The following PLA2G4E variants were observed in gnomAD, a reference collection of about 807,000 sequenced individuals.
PLA2G4E encodes phospholipase A2 group IVE.
In PLA2G4E, 84 loss-of-function variants were observed where a neutral mutation model predicts 109.1. The observed-to-expected ratio is 0.77, with a 90% confidence interval of 0.65 to 0.92. The LOEUF (loss-of-function observed/expected upper bound fraction) is 0.92. Among genes scored for constraint, PLA2G4E ranks in the 40% least tolerant of loss-of-function variants. The probability of loss-of-function intolerance (pLI) is 0.00; values close to 1 mark genes in which losing one functional copy is unlikely to be tolerated. For synonymous variants in PLA2G4E, 469 were observed against 436.1 expected, an observed-to-expected ratio of 1.08 and a Z score of -0.94; for missense variants, 1,057 against 1,076.6, an observed-to-expected ratio of 0.98 and a Z score of 0.25.
At chr15:41,997,566 C>T (rs999615549) in intron 10 of PLA2G4E, 4 of 196,602 alleles carry the variant, frequency 2.0e-5, no homozygotes, top group Non-Finnish European at 4.1e-5. Flanking sequence ...CCTCTGTCTC[C>T]TCGGCCAGAT....
In PLA2G4E at chr15:42,013,569, G is replaced by A. The variant is rs1296695029; in HGVS notation, c.256+116C>T. 28 of 930,132 alleles carry A rather than the reference G, an allele frequency of 3.0e-5. 1 individual carries two copies. The East Asian group carries it at 3.2e-4, about 11-fold the overall frequency. 57.6% of individuals were successfully genotyped at this position (930,132 alleles called of 1,614,324 possible). ...ACACATACACGTATACACCATGCAC[G>A]TGCACACGTGCGCGCGCACACACAC... On this transcript the variant is annotated intron_variant, in intron 2 of 19. Coordinates refer to ENST00000399518, the Ensembl canonical transcript of PLA2G4E.
chr15:41,989,275 G>T (rs2068199772), intron 15 of PLA2G4E, 140 bp downstream of exon 15: 1 of 1,212,900 alleles, frequency 8.2e-7, no homozygotes, highest in Non-Finnish European at 1.1e-6. Context: ...ACCAACTCTG[G>T]TCCCCAGTGA....
chr15:41,997,045 C>T, intron 11 of PLA2G4E, 79 bp downstream of exon 11: 2 of 1,441,692 alleles, frequency 1.4e-6, no homozygotes, highest in Non-Finnish European at 1.8e-6. Context: ...TGGGGTAGGG[C>T]AGGGCCTGGG....
exon 20 of PLA2G4E, chr15:41,983,899 T>C (rs2068097902): frequency 1.2e-6 from 2 of 1,613,530 alleles, no homozygotes; most frequent in Non-Finnish European, 1.7e-6. Flanking sequence ...TGTCAGCTCC[T>C]TGGTGGCATA....
At chr15:41,985,954 A>G in exon 18 of PLA2G4E, 1 of 1,605,572 alleles carries the variant, frequency 6.2e-7, no homozygotes, top group Non-Finnish European at 8.5e-7. Flanking sequence ...CAGCAGGCAC[A>G]GGTGGTTCGC....
intron 2 of PLA2G4E, among the ~76,000 whole-genome samples, chr15:42,011,329 G>C (rs187237157): frequency 2.6e-5 from 4 of 152,388 alleles, no homozygotes; most frequent in African/African-American, 9.6e-5. Context: ...GAAGACAGAA[G>C]AAAGGACCCT....
At chr15:42,026,514 A>G (rs1385528383) in intron 1 of PLA2G4E, among the ~76,000 whole-genome samples, 2 of 152,220 alleles carry the variant, frequency 1.3e-5, no homozygotes, top group East Asian at 3.8e-4. Context: ...TAAATTGGAA[A>G]AAATTGAGAA....
At chr15:41,991,504 G>T (rs2068247721) in intron 13 of PLA2G4E, among the ~76,000 whole-genome samples, 1 of 141,992 alleles carries the variant, frequency 7.0e-6, no homozygotes. Flanking sequence ...TTAAGTGGTG[G>T]GTTATCACAG....
chr15:42,043,820 C>T (rs1712435), intron 1 of PLA2G4E, among the ~76,000 whole-genome samples: 109,531 of 152,008 alleles, frequency 0.72, 40,277 homozygotes, highest in Non-Finnish European at 0.79. Context: ...ACTGATTTCA[C>T]AGGATTGTTG....
At chr15:42,017,095 G>T (rs1164834681) in intron 1 of PLA2G4E, among the ~76,000 whole-genome samples, 1 of 152,240 alleles carries the variant, frequency 6.6e-6, no homozygotes, top group Non-Finnish European at 1.5e-5. Flanking sequence ...TAGAGTCCAA[G>T]CTGTGGAGGC....
At chr15:42,029,664 TG>T (rs141183950) in intron 1 of PLA2G4E, among the ~76,000 whole-genome samples, 2,820 of 152,320 alleles carry the variant, frequency 0.019, 101 homozygotes, top group African/African-American at 0.065. Flanking sequence ...ACCTTCATTC[TG>T]TTACATATAA....
intron 5 of PLA2G4E, among the ~76,000 whole-genome samples, chr15:42,004,697 A>T (rs2068456384): frequency 6.6e-6 from 1 of 152,184 alleles, no homozygotes; most frequent in African/African-American, 2.4e-5. Context: ...CCAGAGTACT[A>T]GATCTTTAAA....
intron 1 of PLA2G4E, among the ~76,000 whole-genome samples, chr15:42,047,860 A>G (rs957320333): frequency 6.6e-6 from 1 of 152,350 alleles, no homozygotes; most frequent in East Asian, 1.9e-4. Flanking sequence ...CATCACAAAA[A>G]TCCTAATAAA....
At chr15:41,992,071 A>G (rs2068258284) in intron 13 of PLA2G4E, among the ~76,000 whole-genome samples, 1 of 152,186 alleles carries the variant, frequency 6.6e-6, no homozygotes, top group Non-Finnish European at 1.5e-5. Flanking sequence ...CGTATTAGTC[A>G]GATCACTGGA....
chr15:41,994,229 G>A (rs1478842244), intron 12 of PLA2G4E, among the ~76,000 whole-genome samples: 1 of 152,258 alleles, frequency 6.6e-6, no homozygotes, highest in Non-Finnish European at 1.5e-5. Flanking sequence ...TGAGCCATAG[G>A]AAGCAGTGAC....
At chr15:41,987,424 C>T (rs1225439669) in intron 16 of PLA2G4E, 49 bp from the exon 17 acceptor site, 2 of 1,566,282 alleles carry the variant, frequency 1.3e-6, no homozygotes, top group Non-Finnish European at 1.7e-6. Context: ...GTGGAGTCCC[C>T]AGATTGCCTA....
chr15:42,020,715 G>C (rs748320968), intron 1 of PLA2G4E, among the ~76,000 whole-genome samples: 1 of 152,076 alleles, frequency 6.6e-6, no homozygotes, highest in African/African-American at 2.4e-5. Context: ...TCTCAGCAGG[G>C]CCACCCAAGC....
intron 5 of PLA2G4E, among the ~76,000 whole-genome samples, chr15:42,003,257 T>C (rs77418900): frequency 0.017 from 2,647 of 152,284 alleles, 88 homozygotes; most frequent in African/African-American, 0.061. Flanking sequence ...TGTCTCCAGA[T>C]CAACTTTATT....
At chr15:42,044,085 C>T (rs1395942328) in intron 1 of PLA2G4E, among the ~76,000 whole-genome samples, 1 of 152,220 alleles carries the variant, frequency 6.6e-6, no homozygotes, top group South Asian at 2.1e-4. Context: ...ATGCTAGGCA[C>T]TGTGCTACAG....
Sources: gnomAD v4.1 joint callset for allele counts (sites outside exome capture counted in the v4.1 genomes callset) on GRCh38, gnomAD v4.1.1 for gene constraint, MANE v1.5 for transcripts, NCBI Gene and HGNC (gene_info 2026-07-23, HGNC 2026-07-21) for gene names.